The following ZNF335 variants were observed in gnomAD, a reference collection of about 807,000 sequenced individuals.
ZNF335 encodes the protein zinc finger protein 335.
Under a neutral mutation model 145.6 loss-of-function variants are expected in ZNF335, and 84 were observed. The ratio of observed to expected loss-of-function variants is 0.58; its 90% CI spans 0.48 to 0.69. ZNF335 has a LOEUF of 0.69. ZNF335 is among the 30% of genes least tolerant of loss of function. ZNF335 has a pLI of 0.00. For missense variants in ZNF335, 1,865 were observed against 1,809.7 expected (o/e 1.03, Z -0.55); for synonymous variants, 761 against 717.0 (o/e 1.06, Z -0.98).
At chr20:45,950,946 G>C (rs2083620447) in intron 20 of ZNF335, among the ~76,000 whole-genome samples, 1 of 152,006 alleles carries the variant, frequency 6.6e-6, no homozygotes, top group South Asian at 2.1e-4. Flanking sequence ...AGGCTGGAGT[G>C]CAATGGCGTG....
chr20:45,971,038 G>A (rs751751348), intron 2 of ZNF335, among the ~76,000 whole-genome samples, 172 bp downstream of exon 2: 5 of 152,228 alleles, frequency 3.3e-5, no homozygotes, highest in Admixed American at 2.6e-4. Flanking sequence ...TGTCTTAGAA[G>A]GTATGAAGCT....
In ZNF335 at chr20:45,952,420, A is replaced by G; in HGVS notation, c.2916T>C (p.Pro972=). 6.3e-7 allele frequency: 1 copy of G among 1,578,572 alleles called. No homozygotes were observed. Among genetic ancestry groups the G allele is most frequent in the Non-Finnish European group, 8.6e-7 (1 of 1,159,172 alleles). ...LQCGGLPRDG[P]EPPSPAKTHC... is the part of the protein sequence containing the mutation. ...GGGTCTTGGCTGGAGATGGGGGCTC[A>G]GGGCCGTCTCTGGGCAGTCCCCCAC... Residue 972 remains proline, a synonymous_variant, in exon 20 of 28, where the codon CCT becomes CCC. Coordinates refer to ENST00000322927, the MANE Select transcript of ZNF335 (RefSeq NM_022095.4).
intron 18 of ZNF335, 59 bp downstream of exon 18, chr20:45,953,630 G>A (rs942017594): frequency 6.8e-5 from 108 of 1,593,484 alleles, no homozygotes; most frequent in Admixed American, 8.5e-5. Flanking sequence ...GGCCCAAATC[G>A]GACCGACCGA....
chr20:45,971,162 C>T, intron 2 of ZNF335, 48 bp downstream of exon 2: 1 of 1,472,470 alleles, frequency 6.8e-7, no homozygotes, highest in Non-Finnish European at 9.0e-7. Context: ...TCAGGCACTG[C>T]TGCTCGCGGT....
intron 18 of ZNF335, among the ~76,000 whole-genome samples, chr20:45,953,044 C>T (rs2083663818): frequency 6.6e-6 from 1 of 152,222 alleles, no homozygotes; most frequent in South Asian, 2.1e-4. Context: ...GGAGGCAGGG[C>T]TAACGAGGAC....
chr20:45,948,766 G>C lies in ZNF335; in HGVS notation c.*187C>G, dbSNP rs943326391. 3.5e-6 allele frequency: 3 copies of C among 860,530 alleles called. No individual in the cohort carries two copies. The highest frequency in any genetic ancestry group is 5.3e-6 in the Non-Finnish European group (3 of 563,056). 53.3% of individuals were successfully genotyped at this position (860,530 alleles called of 1,614,324 possible). A position where few individuals can be genotyped will look rare whatever the true frequency, so the allele number is the denominator to read the frequency against. Reference sequence around the variant, plus strand: ...GCCTGCCTGCAGGCTGGGGCACCCAGCATGTCCTGGCTGGGGCCCATGGCT... The same window carrying C: ...GCCTGCCTGCAGGCTGGGGCACCCACCATGTCCTGGCTGGGGCCCATGGCT... On this transcript the variant is annotated 3_prime_UTR_variant, in exon 28 of 28. Transcript: ENST00000322927.
At position 45,950,317 on chromosome 20, in the gene ZNF335, C is replaced by G. The variant is rs770306876; in HGVS notation, c.3389G>C (p.Gly1130Ala). Residue 1130 changes from glycine to alanine, a missense_variant, in exon 22 of 28, where the codon GGG becomes GCG. Transcript: ENST00000322927. ...FHIQRLHSPD[G>A]RKSGTPTARA... is the part of the protein sequence containing the mutation. ...GGCTGTAGGGGTTCCTGACTTCCTCCCATCAGGACTGTGCAGCCGCTGGAT... is the reference window on the plus strand; with the variant it reads ...GGCTGTAGGGGTTCCTGACTTCCTCGCATCAGGACTGTGCAGCCGCTGGAT... The G allele has an allele frequency of 1.9e-4, 305 of 1,567,458 alleles. 2 individuals carry two copies. Among genetic ancestry groups the G allele is most frequent in the Admixed American group, 5.2e-4 (29 of 55,736 alleles).
chr20:45,969,507 A>G lies in ZNF335; in HGVS notation c.386T>C (p.Leu129Pro). The G allele has an allele frequency of 6.3e-7, 1 of 1,577,308 alleles. No homozygotes were observed. The highest frequency in any genetic ancestry group is 8.7e-7 in the Non-Finnish European group (1 of 1,152,016). The change falls in exon 3 of 28, where the codon CTG becomes CCG. Residue 129 changes from leucine to proline, a missense_variant. By Grantham distance (98) the Leu-to-Pro change is moderately conservative. Coordinates refer to ENST00000322927, the MANE Select transcript of ZNF335 (RefSeq NM_022095.4). ...GATGATCTTGTCGATGGCCGAGCCC[A>G]GGTCCGAGGAGGAAGCTGTGCAGTC... is the stretch of plus-strand genomic sequence containing the variant. The part of the protein sequence containing the change: ...VSDCTASSSD[L>P]GSAIDKIIES...
chr20:45,965,491 T>C, intron 7 of ZNF335, 137 bp downstream of exon 7: 3 of 1,019,058 alleles, frequency 2.9e-6, no homozygotes, highest in Non-Finnish European at 4.1e-6. Context: ...CCCCTTTCCC[T>C]GGAGGCCTGC....
chr20:45,950,689 CAA>C, intron 20 of ZNF335, 94 bp from the exon 21 acceptor site: 2 of 1,554,170 alleles, frequency 1.3e-6, no homozygotes, highest in Non-Finnish European at 1.7e-6. Context: ...GGGAACCAGA[CAA>C]AGTGGACCTG....
Position 45,950,602 on chromosome 20 carries a change from A to C in ZNF335, c.3190-7T>G. ...AGTGCTGTGCCATGTGCGCCTGCAG[A>C]GAGGGCAGAGTTGGGGGCATTGGCT... On this transcript the variant is annotated splice_region_variant and splice_polypyrimidine_tract_variant and intron_variant, in intron 20 of 27. Coordinates refer to ENST00000322927, the MANE Select transcript of ZNF335 (RefSeq NM_022095.4). 1 of 1,613,770 alleles carries C rather than the reference A, an allele frequency of 6.2e-7. No individual in the cohort carries two copies. Among genetic ancestry groups the C allele is most frequent in the Non-Finnish European group, 8.5e-7 (1 of 1,179,892 alleles).
chr20:45,965,575 G>C, intron 7 of ZNF335, 53 bp downstream of exon 7: 1 of 1,549,098 alleles, frequency 6.5e-7, no homozygotes, highest in Non-Finnish European at 8.7e-7. Context: ...CAAGCAGGGA[G>C]AGAGGCCACT....
Position 45,960,647 on chromosome 20 carries a change from T to TGCGTCTTCATGTGCTGC in ZNF335, c.1734_1750dup (p.His584ArgfsTer4). ...ACACATGTGGGGCTTCTCAGTGCTG[T>TGCGTCTTCATGTGCTGC]GCGTCTTCATGTGCTGCGTGAGTCT... On this transcript the variant is annotated stop_gained and frameshift_variant, in exon 12 of 28. Transcript: ENST00000322927. LOFTEE classifies it high-confidence loss of function. The TGCGTCTTCATGTGCTGC allele has an allele frequency of 1.2e-6, 2 of 1,614,084 alleles. No individual in the cohort carries two copies. The highest frequency in any genetic ancestry group is 1.7e-6 in the Non-Finnish European group (2 of 1,180,010).
rs750702234 is a variant in ZNF335 at position 45,949,013 on chromosome 20, G to A, written c.3969C>T (p.His1323=). The A allele has an allele frequency of 6.2e-7, 1 of 1,613,988 alleles. No individual in the cohort carries two copies. Among genetic ancestry groups the A allele is most frequent in the Non-Finnish European group, 8.5e-7 (1 of 1,180,030 alleles). ...LFGTDETVPE[H]IQQLQHQGIE... is the part of the protein sequence containing the mutation. The stretch of plus-strand genomic sequence containing the variant: ...TGCCCTGGTGCTGCAGCTGTTGAAT[G>A]TGTTCGGGCACTGTCTCGTCTGTAC... The change falls in exon 28 of 28, where the codon CAC becomes CAT. Residue 1323 remains histidine, a synonymous_variant. Coordinates refer to ENST00000322927, the MANE Select transcript of ZNF335 (RefSeq NM_022095.4).
chr20:45,963,681 G>C, intron 8 of ZNF335, 31 bp from the exon 9 acceptor site: 1 of 1,613,944 alleles, frequency 6.2e-7, no homozygotes, highest in Non-Finnish European at 8.5e-7. Flanking sequence ...GGAAAGGTCT[G>C]GTGGGGTTGG....
At chr20:45,965,108 C>T (rs892383669) in intron 7 of ZNF335, among the ~76,000 whole-genome samples, 1 of 151,610 alleles carries the variant, frequency 6.6e-6, no homozygotes, top group African/African-American at 2.4e-5. Context: ...CCACTGTACT[C>T]TTTTGTGTGT....
In ZNF335 at chr20:45,965,030, AAATAATAAT is replaced by A. The variant is rs11472570; in HGVS notation, c.1102+589_1102+597del. 3.4e-3 allele frequency among the ~76,000 whole-genome samples: 475 copies of A among 141,362 alleles called. 1 individual carries two copies. Among genetic ancestry groups the A allele is most frequent in the Admixed American group, 4.0e-3 (56 of 14,094 alleles). The allele number at this position is 141,362 out of a possible 152,430, so 92.7% of individuals were successfully genotyped here. A position where few individuals can be genotyped will look rare whatever the true frequency, so the allele number is the denominator to read the frequency against. Reference sequence around the variant, plus strand: ...CGGGCAAGAGTGAAACTCTGTCTCAAAATAATAATAATAATAATAATAATAATAATAATA... The same window carrying A: ...CGGGCAAGAGTGAAACTCTGTCTCAAAATAATAATAATAATAATAATAATA... On this transcript the variant is annotated intron_variant, in intron 7 of 27. Coordinates refer to ENST00000322927, the MANE Select transcript of ZNF335 (RefSeq NM_022095.4).
Position 45,960,232 on chromosome 20 carries a change from A to G in ZNF335, c.1996T>C (p.Ser666Pro). ...YRTFREDFLL[S>P]HVAVKHTGAK... ...CCTGTGTGCTTGACAGCCACATGGG[A>G]CAGCAAGAAGTCCTCTCGGAAGGTG... is the stretch of plus-strand genomic sequence containing the variant. The change falls in exon 14 of 28, where the codon TCC (serine) becomes CCC (proline). Residue 666 changes from serine (S) to proline (P), a missense_variant. Physicochemically the swap from Ser to Pro is moderately conservative, Grantham distance 74. Coordinates refer to ENST00000322927, the MANE Select transcript of ZNF335 (RefSeq NM_022095.4). The G allele has an allele frequency of 6.2e-7, 1 of 1,614,156 alleles. No individual in the cohort carries two copies.
rs2083651678 is a variant in ZNF335, at chr20:45,952,462, T to C, written c.2874A>G (p.Lys958=). 1 of 1,562,762 alleles carries C rather than the reference T, an allele frequency of 6.4e-7. No homozygotes were observed. The highest frequency in any genetic ancestry group is 8.7e-7 in the Non-Finnish European group (1 of 1,151,468). ...PSPDALASGA[K]WPLLQCGGLP... is the part of the protein sequence containing the mutation. ...GTCCCCCACACTGCAGCAGGGGCCA[T>C]TTGGCACCAGAGGCCAGAGCATCTG... Residue 958 remains lysine (K), a synonymous_variant, in exon 20 of 28, where the codon AAA becomes AAG. Transcript: ENST00000322927.
Sources: allele counts gnomAD v4.1 joint callset (sites outside exome capture counted in the v4.1 genomes callset), GRCh38; gene constraint gnomAD v4.1.1; transcripts MANE v1.5; gene names NCBI Gene and HGNC (gene_info 2026-07-23, HGNC 2026-07-21).